TBC1D22B: variants seen among roughly 807,000 people sequenced by gnomAD.
The protein encoded by TBC1D22B is chromosome 6 open reading frame 197.
In TBC1D22B, 32 loss-of-function variants were observed where a neutral mutation model predicts 69.1. The observed-to-expected ratio is 0.46, with a 90% CI of 0.35 to 0.62. The LOEUF (loss-of-function observed/expected upper bound fraction) is 0.62. Ranked by LOEUF, TBC1D22B falls within the 20% of genes least tolerant of loss-of-function variation. The probability of loss-of-function intolerance (pLI) is 0.00; values close to 1 mark genes in which losing one functional copy is unlikely to be tolerated. For missense variants in TBC1D22B, 462 were observed against 630.9 expected, an observed-to-expected ratio of 0.73 and a Z score of 2.87; for synonymous variants, 206 against 229.8, an observed-to-expected ratio of 0.90 and a Z score of 0.94.
At chr6:37,321,396 T>G (rs1768240163) in intron 12 of TBC1D22B, among the ~76,000 whole-genome samples, 1 of 152,170 alleles carries the variant, frequency 6.6e-6, no homozygotes, top group Non-Finnish European at 1.5e-5. Context: ...CCTCAAGATT[T>G]CTTCTTCCCC....
At chr6:37,267,472 TATATATACACTATATATA>T (rs1766334077) in intron 1 of TBC1D22B, among the ~76,000 whole-genome samples, 1 of 125,428 alleles carries the variant, frequency 8.0e-6, no homozygotes, top group East Asian at 2.1e-4. Context: ...ATATATATAA[TATATATACACTATATATA>T]ATATATATAC....
intron 2 of TBC1D22B, among the ~76,000 whole-genome samples, chr6:37,271,878 AAC>A (rs1270133023): frequency 6.7e-6 from 1 of 150,260 alleles, no homozygotes; most frequent in Non-Finnish European, 1.5e-5. Context: ...TTAAATCAGA[AAC>A]CACTATTGTA....
chr6:37,330,603 G>A (rs773430403), intron 12 of TBC1D22B, among the ~76,000 whole-genome samples: 6 of 152,056 alleles, frequency 3.9e-5, no homozygotes, highest in Admixed American at 1.3e-4. Flanking sequence ...CTGTGATTGC[G>A]TCACTGCACT....
intron 1 of TBC1D22B, among the ~76,000 whole-genome samples, chr6:37,262,664 G>T (rs572724098): frequency 1.2e-4 from 19 of 152,378 alleles, no homozygotes; most frequent in African/African-American, 4.3e-4. Context: ...TACTGGTAGA[G>T]TGAGTGACTA....
At chr6:37,268,782 G>A (rs978725384) in intron 1 of TBC1D22B, among the ~76,000 whole-genome samples, 10 of 152,006 alleles carry the variant, frequency 6.6e-5, no homozygotes, top group African/African-American at 1.9e-4. Context: ...TATATAAGTC[G>A]AATCATAACA....
chr6:37,316,567 G>C, intron 10 of TBC1D22B, 136 bp from the exon 11 acceptor site: 4 of 911,108 alleles, frequency 4.4e-6, no homozygotes, highest in Middle Eastern at 3.2e-4. Context: ...AGGACAGTCA[G>C]ATGGCTGTCT....
chr6:37,269,529 A>T, intron 1 of TBC1D22B, 65 bp from the exon 2 acceptor site: 4 of 1,518,646 alleles, frequency 2.6e-6, no homozygotes, highest in Non-Finnish European at 1.8e-6. Context: ...TGCAGATGGC[A>T]CTTAGCCAAC....
chr6:37,258,549 T>A (rs75049027), intron 1 of TBC1D22B, among the ~76,000 whole-genome samples: 2 of 152,226 alleles, frequency 1.3e-5, no homozygotes, highest in Non-Finnish European at 2.9e-5. Flanking sequence ...GACCACAGAA[T>A]CAGGGTTATT....
At chr6:37,265,616 CTCT>C (rs201178306) in intron 1 of TBC1D22B, among the ~76,000 whole-genome samples, 1,710 of 151,852 alleles carry the variant, frequency 0.011, 13 homozygotes, top group Middle Eastern at 0.054. Context: ...TCTTTGATTC[CTCT>C]TTTTTTCTCT....
chr6:37,294,030 C>T (rs1767276936), intron 8 of TBC1D22B, among the ~76,000 whole-genome samples: 1 of 152,106 alleles, frequency 6.6e-6, no homozygotes. Context: ...AAGCCATCTC[C>T]ATAACATGAA....
chr6:37,267,375 C>T (rs1766321216), intron 1 of TBC1D22B, among the ~76,000 whole-genome samples: 2 of 69,362 alleles, frequency 2.9e-5, no homozygotes, highest in Non-Finnish European at 5.8e-5. Flanking sequence ...TATATATACA[C>T]ACATATATAA....
intron 8 of TBC1D22B, among the ~76,000 whole-genome samples, chr6:37,298,539 GTTTTTTTTTTTTT>G (rs34996865): frequency 2.8e-5 from 2 of 71,218 alleles, no homozygotes; most frequent in African/African-American, 1.2e-4. Context: ...GTTGCCTACA[GTTTTTTTTTTTTT>G]TTTTTTTTTT....
At chr6:37,290,559 A>G (rs1241586776) in intron 7 of TBC1D22B, among the ~76,000 whole-genome samples, 1 of 152,128 alleles carries the variant, frequency 6.6e-6, no homozygotes, top group Non-Finnish European at 1.5e-5. Context: ...CTAATATGCT[A>G]AACCCCAGGG....
At chr6:37,313,772 C>G in intron 9 of TBC1D22B, 44 bp from the exon 10 acceptor site, 1 of 1,578,786 alleles carries the variant, frequency 6.3e-7, no homozygotes, top group African/African-American at 1.3e-5. Context: ...GGTGATAACA[C>G]AAGTTAGAGT....
chr6:37,286,595 G>A (rs1352248885), intron 6 of TBC1D22B, among the ~76,000 whole-genome samples: 2 of 151,028 alleles, frequency 1.3e-5, no homozygotes, highest in African/African-American at 2.4e-5. Context: ...GATTACAGGC[G>A]TGAGCCACCG....
chr6:37,266,021 G>A (rs1401803155), intron 1 of TBC1D22B, among the ~76,000 whole-genome samples: 3 of 152,124 alleles, frequency 2.0e-5, no homozygotes, highest in Non-Finnish European at 4.4e-5. Flanking sequence ...GTGTTTGCTG[G>A]GTAGTGTTCT....
At chr6:37,269,749 C>A in intron 2 of TBC1D22B, 99 bp downstream of exon 2, 2 of 1,143,040 alleles carry the variant, frequency 1.7e-6, no homozygotes, top group Non-Finnish European at 2.6e-6. Flanking sequence ...CATTTTTTAG[C>A]GTCTCTTCTG....
At chr6:37,308,815 G>C (rs532830408) in intron 8 of TBC1D22B, among the ~76,000 whole-genome samples, 2 of 152,202 alleles carry the variant, frequency 1.3e-5, no homozygotes, top group East Asian at 3.9e-4. Context: ...TAGAGATCCA[G>C]AATTTCAGTG....
At chr6:37,296,813 T>C (rs73421945) in intron 8 of TBC1D22B, among the ~76,000 whole-genome samples, 4,825 of 139,216 alleles carry the variant, frequency 0.035, 240 homozygotes, top group African/African-American at 0.12. Context: ...TGCACACACA[T>C]ATATATATAT....
Sources: allele counts gnomAD v4.1 joint callset (sites outside exome capture counted in the v4.1 genomes callset), GRCh38; gene constraint gnomAD v4.1.1; transcripts MANE v1.5; gene names NCBI Gene and HGNC (gene_info 2026-07-23, HGNC 2026-07-21).